Variants in RASEF observed in about 807,000 individuals in gnomAD.
RASEF encodes ras and EF-hand domain-containing protein.
Under a neutral mutation model 90.1 loss-of-function variants are expected in RASEF, and 68 were observed. The ratio of observed to expected loss-of-function variants is 0.75; its 90% CI spans 0.62 to 0.92. The LOEUF is 0.92. Among genes scored for constraint, RASEF ranks in the 40% least tolerant of loss-of-function variants. RASEF has a pLI of 0.00. For synonymous variants in RASEF, 331 were observed against 345.2 expected, an observed-to-expected ratio of 0.96 and a Z score of 0.46; for missense variants, 949 against 937.2, an observed-to-expected ratio of 1.01 and a Z score of -0.16.
At chr9:83,178,874 C>T in the RASEF span, among the ~76,000 whole-genome samples, 1 of 152,078 alleles carries the variant, frequency 6.6e-6, no homozygotes. Flanking sequence ...TACTGTTTGC[C>T]AACCAGGCTA....
At chr9:83,200,280 C>T in the RASEF span, among the ~76,000 whole-genome samples, 1 of 152,096 alleles carries the variant, frequency 6.6e-6, no homozygotes, top group Admixed American at 6.5e-5. Context: ...CCTGTAATCC[C>T]AGCTACTTGG....
the RASEF span, among the ~76,000 whole-genome samples, chr9:83,205,537 C>G: frequency 6.6e-6 from 1 of 152,214 alleles, no homozygotes; most frequent in South Asian, 2.1e-4. Context: ...TTCAAACACC[C>G]CCTCACTATG....
intron 1 of RASEF, among the ~76,000 whole-genome samples, chr9:83,027,955 G>A (rs1247827983): frequency 6.6e-6 from 1 of 152,128 alleles, no homozygotes; most frequent in African/African-American, 2.4e-5. Context: ...TCTGATCCTA[G>A]TGGATCCCTG....
At chr9:83,202,614 T>G in the RASEF span, among the ~76,000 whole-genome samples, 1 of 152,142 alleles carries the variant, frequency 6.6e-6, no homozygotes, top group Non-Finnish European at 1.5e-5. Flanking sequence ...TAGCTAGGAT[T>G]ACAGGTGCCC....
chr9:83,022,534 A>G, intron 2 of RASEF, 108 bp from the exon 3 acceptor site: 1 of 744,416 alleles, frequency 1.3e-6, no homozygotes, highest in Non-Finnish European at 2.3e-6. Flanking sequence ...AGATGAAGAG[A>G]AACACCCCAT....
chr9:83,024,332 G>GT (rs199757230), intron 2 of RASEF, among the ~76,000 whole-genome samples: 12 of 151,482 alleles, frequency 7.9e-5, no homozygotes, highest in African/African-American at 2.9e-4. Context: ...ATGCCAGTCT[G>GT]TTTTTTTCCT....
chr9:83,148,606 T>C, the RASEF span, among the ~76,000 whole-genome samples: 4 of 152,206 alleles, frequency 2.6e-5, no homozygotes, highest in East Asian at 7.7e-4. Flanking sequence ...CCTGGAATTG[T>C]GTGACAATAC....
chr9:83,136,268 C>T, the RASEF span, among the ~76,000 whole-genome samples: 1 of 152,004 alleles, frequency 6.6e-6, no homozygotes, highest in South Asian at 2.1e-4. Flanking sequence ...CTTCACACAT[C>T]TTTAGAATTT....
the RASEF span, among the ~76,000 whole-genome samples, chr9:83,068,334 G>A: frequency 6.6e-6 from 1 of 152,232 alleles, no homozygotes; most frequent in African/African-American, 2.4e-5. Flanking sequence ...TGCATGAAGT[G>A]AGCAGGACCT....
At chr9:83,118,897 T>C in the RASEF span, among the ~76,000 whole-genome samples, 5 of 152,222 alleles carry the variant, frequency 3.3e-5, no homozygotes, top group African/African-American at 7.2e-5. Flanking sequence ...TTGGGTCCCA[T>C]TGGATGCACA....
intron 1 of RASEF, among the ~76,000 whole-genome samples, chr9:83,056,267 T>G (rs1437548564): frequency 6.6e-6 from 1 of 152,234 alleles, no homozygotes; most frequent in Admixed American, 6.5e-5. Flanking sequence ...CTATGTGTCA[T>G]AGATAAATTC....
chr9:83,144,384 AAAGAAAGGAAAGAAAG>A, the RASEF span, among the ~76,000 whole-genome samples: 104 of 49,938 alleles, frequency 2.1e-3, 3 homozygotes, highest in African/African-American at 0.012. Flanking sequence ...AGAAAGAAAG[AAAGAAAGGAAAGAAAG>A]AAAGAAAGAA....
upstream of RASEF, among the ~76,000 whole-genome samples, chr9:83,063,416 A>G (rs1830253595): frequency 6.6e-6 from 1 of 152,202 alleles, no homozygotes; most frequent in Non-Finnish European, 1.5e-5. Flanking sequence ...GCACAGAGGT[A>G]AGGTAGGTAG....
At chr9:83,034,650 G>A (rs1043044092) in intron 1 of RASEF, among the ~76,000 whole-genome samples, 7 of 152,192 alleles carry the variant, frequency 4.6e-5, no homozygotes, top group Admixed American at 3.3e-4. Flanking sequence ...AGAAACAGCA[G>A]GAAGCATCAT....
chr9:83,088,372 G>GATA, the RASEF span, among the ~76,000 whole-genome samples: 530 of 147,570 alleles, frequency 3.6e-3, 1 homozygote, highest in African/African-American at 0.012. Context: ...ATAGATAGAT[G>GATA]GATAGATAGA....
the RASEF span, among the ~76,000 whole-genome samples, chr9:83,115,001 G>A: frequency 2.6e-5 from 4 of 151,982 alleles, no homozygotes; most frequent in Non-Finnish European, 4.4e-5. Flanking sequence ...CTGGTTTTAC[G>A]GCTTGGGGGA....
At chr9:83,148,874 G>A in the RASEF span, among the ~76,000 whole-genome samples, 1 of 152,160 alleles carries the variant, frequency 6.6e-6, no homozygotes, top group African/African-American at 2.4e-5. Flanking sequence ...GATTCCTCTG[G>A]CAGGGATCTA....
chr9:82,997,228 A>G, intron 13 of RASEF, 102 bp from the exon 14 acceptor site: 1 of 733,458 alleles, frequency 1.4e-6, no homozygotes. Flanking sequence ...ACACCAGTTG[A>G]GAAGACTCTA....
chr9:83,023,076 T>G (rs1829472138), intron 2 of RASEF, among the ~76,000 whole-genome samples: 1 of 152,148 alleles, frequency 6.6e-6, no homozygotes, highest in Admixed American at 6.5e-5. Flanking sequence ...TTTTTTTTGC[T>G]CTCATGACTG....
Sources: allele counts gnomAD v4.1 joint callset (sites outside exome capture counted in the v4.1 genomes callset), GRCh38; gene constraint gnomAD v4.1.1; transcripts MANE v1.5; gene names NCBI Gene and HGNC (gene_info 2026-07-23, HGNC 2026-07-21).